ARFGEF1: variants seen among roughly 807,000 people sequenced by gnomAD.
ARFGEF1 encodes the protein brefeldin A-inhibited guanine nucleotide-exchange protein 1.
In ARFGEF1, 42 loss-of-function variants were observed where a neutral mutation model predicts 231.0. That is an observed-to-expected ratio of 0.18 (90% CI 0.14 to 0.24). The LOEUF (loss-of-function observed/expected upper bound fraction) is 0.24. ARFGEF1 is among the 10% of genes least tolerant of loss of function. ARFGEF1 has a pLI of 1.00. For synonymous variants in ARFGEF1, 710 were observed against 732.3 expected, an observed-to-expected ratio of 0.97 and a Z score of 0.49; for missense variants, 1,345 against 2,192.0, an observed-to-expected ratio of 0.61 and a Z score of 7.72.
intron 19 of ARFGEF1, among the ~76,000 whole-genome samples, chr8:67,245,392 G>A (rs1840073388): frequency 6.6e-6 from 1 of 150,384 alleles, no homozygotes; most frequent in Non-Finnish European, 1.5e-5. Context: ...ATGACTCACA[G>A]CTTTTCAAGA....
At chr8:67,196,018 C>CCAGTTTCTGTGTGATGCAATCAAATGT (rs1368030981), downstream of ARFGEF1, 6 of 158,744 alleles carry the variant, frequency 3.8e-5, no homozygotes, top group African/African-American at 1.5e-4. Context: ...TGTGATTATT[C>CCAGTTTCTGTGTGATGCAATCAAATGT]CAGTTTCTGT....
At chr8:67,334,763 T>C (rs1048480689) in intron 1 of ARFGEF1, among the ~76,000 whole-genome samples, 3 of 152,166 alleles carry the variant, frequency 2.0e-5, no homozygotes, top group African/African-American at 7.2e-5. Flanking sequence ...ACTTCATGAA[T>C]GAACCTCAAA....
Position 67,257,771 on chromosome 8 carries a change from A to G in ARFGEF1, c.2487T>C (p.Tyr829=), listed in dbSNP as rs1442689095. The part of the protein sequence containing the change: ...ASADTAYVLA[Y]SIIMLTTDLH... ...GGTCTGTGGTCAACATGATAATTGA[A>G]TAAGCCAAAACATAAGCTGTATCCG... Residue 829 remains tyrosine (Y), a synonymous_variant, in exon 17 of 39, where the codon TAT becomes TAC. Coordinates refer to ENST00000262215, the MANE Select transcript of ARFGEF1 (RefSeq NM_006421.5). 1 of 1,610,332 alleles carries G rather than the reference A, an allele frequency of 6.2e-7. No individual in the cohort carries two copies.
At chr8:67,289,525 G>A (rs1246728194) in intron 6 of ARFGEF1, among the ~76,000 whole-genome samples, 5 of 139,534 alleles carry the variant, frequency 3.6e-5, no homozygotes, top group African/African-American at 1.4e-4. Context: ...CTCTAGTCAG[G>A]GTGACAGAGC....
intron 5 of ARFGEF1, among the ~76,000 whole-genome samples, chr8:67,187,539 G>T (rs1191592049): frequency 1.3e-5 from 2 of 151,936 alleles, no homozygotes; most frequent in African/African-American, 2.4e-5. Flanking sequence ...TTTTAAATTA[G>T]CCGATGTGGT....
intron 1 of ARFGEF1, among the ~76,000 whole-genome samples, chr8:67,335,731 T>C (rs1251424633): frequency 1.3e-5 from 2 of 152,162 alleles, no homozygotes; most frequent in African/African-American, 4.8e-5. Flanking sequence ...AGTGGTAATA[T>C]GAAATATTTT....
At chr8:67,322,995 G>A (rs1197395406) in intron 1 of ARFGEF1, among the ~76,000 whole-genome samples, 1 of 152,154 alleles carries the variant, frequency 6.6e-6, no homozygotes, top group African/African-American at 2.4e-5. Flanking sequence ...GGTGGCTCAC[G>A]CCTGTAATCC....
intron 14 of ARFGEF1, among the ~76,000 whole-genome samples, chr8:67,260,235 T>C (rs950422148): frequency 6.6e-6 from 1 of 152,226 alleles, no homozygotes; most frequent in East Asian, 1.9e-4. Flanking sequence ...TGAGAGACTA[T>C]TAGAGAGAAT....
At chr8:67,250,623 T>C (rs1482590751) in intron 19 of ARFGEF1, among the ~76,000 whole-genome samples, 1 of 152,198 alleles carries the variant, frequency 6.6e-6, no homozygotes, top group African/African-American at 2.4e-5. Flanking sequence ...CGGATTATGA[T>C]CTTTAGCCTC....
At chr8:67,191,799 C>T (rs1190597483) in intron 5 of ARFGEF1, among the ~76,000 whole-genome samples, 1 of 152,124 alleles carries the variant, frequency 6.6e-6, no homozygotes, top group Non-Finnish European at 1.5e-5. Context: ...TATATGGACA[C>T]TTTGTATTTA....
chr8:67,181,320 G>A (rs905009526), intron 5 of ARFGEF1, among the ~76,000 whole-genome samples: 2 of 148,536 alleles, frequency 1.3e-5, no homozygotes, highest in Non-Finnish European at 3.0e-5. Flanking sequence ...TTACAGGCAT[G>A]AGCCACTGTA....
At chr8:67,300,233 G>T (rs768956000) in intron 3 of ARFGEF1, among the ~76,000 whole-genome samples, 5 of 152,082 alleles carry the variant, frequency 3.3e-5, no homozygotes, top group Non-Finnish European at 5.9e-5. Context: ...CAATTCAGAT[G>T]AACTTATCTT....
chr8:67,316,045 A>G lies in ARFGEF1; in HGVS notation c.125-13579T>C, dbSNP rs544456280. ...ATCAATTTAAAAAGCTGATTGTTTGATAAGATCAATAAAATTGAAACTCCA... is the reference window on the plus strand; with the variant it reads ...ATCAATTTAAAAAGCTGATTGTTTGGTAAGATCAATAAAATTGAAACTCCA... On this transcript the variant is annotated intron_variant, in intron 1 of 38. Coordinates refer to ENST00000262215, the MANE Select transcript of ARFGEF1 (RefSeq NM_006421.5). 7.2e-5 allele frequency among the ~76,000 whole-genome samples: 11 copies of G among 152,326 alleles called. No homozygotes were observed. The South Asian group carries it at 1.2e-3, about 17-fold the overall frequency.
chr8:67,204,918 T>C (rs1587031673), intron 34 of ARFGEF1, 99 bp from the exon 35 acceptor site: 1 of 1,396,074 alleles, frequency 7.2e-7, no homozygotes, highest in East Asian at 2.3e-5. Context: ...CATCAATATG[T>C]ATTCACATAT....
intron 1 of ARFGEF1, among the ~76,000 whole-genome samples, chr8:67,337,856 A>G (rs1223390304): frequency 6.6e-6 from 1 of 152,214 alleles, no homozygotes; most frequent in South Asian, 2.1e-4. Context: ...TGTGTGTTCT[A>G]TGAAAGCATG....
intron 5 of ARFGEF1, among the ~76,000 whole-genome samples, chr8:67,192,074 TTTTG>T (rs1836452598): frequency 1.4e-5 from 2 of 143,984 alleles, no homozygotes; most frequent in African/African-American, 2.6e-5. Context: ...TTGTTTTTTT[TTTTG>T]TTTTTTTTTT....
Position 67,300,660 on chromosome 8 carries a change from CAAAAA to C in ARFGEF1, c.312+559_312+563del, listed in dbSNP as rs200434355. On this transcript the variant is annotated intron_variant, in intron 3 of 38. Transcript: ENST00000262215. The stretch of plus-strand genomic sequence containing the variant: ...CAACATGGTGAAACTCTTGTCTCTT[CAAAAA>C]AAAAAAAAAAAAAAAAAAAAATACA... Among the ~76,000 whole-genome samples the C allele has an allele frequency of 9.2e-3, 816 of 88,608 alleles. 5 individuals carry two copies. Among genetic ancestry groups the C allele is most frequent in the African/African-American group, 0.03 (785 of 25,838 alleles). 58.1% of individuals were successfully genotyped at this position (88,608 alleles called of 152,430 possible). A position where few individuals can be genotyped will look rare whatever the true frequency, so the allele number is the denominator to read the frequency against.
At chr8:67,225,827 T>A (rs1839353590) in intron 28 of ARFGEF1, among the ~76,000 whole-genome samples, 196 bp downstream of exon 28, 1 of 152,078 alleles carries the variant, frequency 6.6e-6, no homozygotes, top group Non-Finnish European at 1.5e-5. Context: ...TGAAAAACAC[T>A]CAGAAAAATA....
intron 1 of ARFGEF1, among the ~76,000 whole-genome samples, chr8:67,311,978 C>T (rs1352536035): frequency 6.6e-6 from 1 of 152,128 alleles, no homozygotes; most frequent in East Asian, 1.9e-4. Context: ...TGTGTCCACT[C>T]AGGGTTAAAT....
Sources: allele counts gnomAD v4.1 joint callset (sites outside exome capture counted in the v4.1 genomes callset), GRCh38; gene constraint gnomAD v4.1.1; transcripts MANE v1.5; gene names NCBI Gene and HGNC (gene_info 2026-07-23, HGNC 2026-07-21).